The following LINGO2 variants were observed in gnomAD, a reference collection of about 807,000 sequenced individuals.
The protein encoded by LINGO2 is leucine rich repeat and Ig domain containing 2.
Under a neutral mutation model 30.6 loss-of-function variants are expected in LINGO2, and 14 were observed. That is an observed-to-expected ratio of 0.46 (90% CI 0.30 to 0.72). The LOEUF (loss-of-function observed/expected upper bound fraction) is 0.72, where lower values mean the gene tolerates loss of function less well. Among genes scored for constraint, LINGO2 ranks in the 30% least tolerant of loss-of-function variants. The probability of loss-of-function intolerance (pLI) is 0.07; values close to 1 mark genes in which losing one functional copy is unlikely to be tolerated. For missense variants in LINGO2, 729 were observed against 751.7 expected (o/e 0.97, Z 0.35); for synonymous variants, 317 against 288.5 (o/e 1.10, Z -1.00).
intron 4 of LINGO2, among the ~76,000 whole-genome samples, chr9:28,266,076 A>G (rs903962579): frequency 1.3e-5 from 2 of 152,024 alleles, no homozygotes; most frequent in Non-Finnish European, 2.9e-5. Context: ...ATCTAAAAAC[A>G]TTTAAACTAA....
chr9:28,825,181 G>A, the LINGO2 span, among the ~76,000 whole-genome samples: 1 of 151,846 alleles, frequency 6.6e-6, no homozygotes, highest in Non-Finnish European at 1.5e-5. Context: ...TTCTTTTCTC[G>A]CCAATGCCTC....
intron 1 of LINGO2, among the ~76,000 whole-genome samples, chr9:28,572,072 C>T (rs781556836): frequency 1.3e-5 from 2 of 152,040 alleles, no homozygotes; most frequent in Non-Finnish European, 2.9e-5. Context: ...CGTGCTGTCA[C>T]CTGGATATAA....
intron 1 of LINGO2, among the ~76,000 whole-genome samples, chr9:28,628,163 G>A (rs1826770001): frequency 6.6e-6 from 1 of 152,050 alleles, no homozygotes. Flanking sequence ...TCAAAACCAT[G>A]CAGCAGATTT....
the LINGO2 span, among the ~76,000 whole-genome samples, chr9:29,092,770 T>C: frequency 1.7e-4 from 24 of 137,292 alleles, 4 homozygotes; most frequent in African/African-American, 6.0e-4. Flanking sequence ...GGATATTTAA[T>C]AGTGGCACAG....
At chr9:29,152,894 T>G in the LINGO2 span, among the ~76,000 whole-genome samples, 1 of 152,292 alleles carries the variant, frequency 6.6e-6, no homozygotes, top group Non-Finnish European at 1.5e-5. Flanking sequence ...AATTGTATTT[T>G]GAAATATTAT....
the LINGO2 span, among the ~76,000 whole-genome samples, chr9:28,999,091 CA>C: frequency 2.0e-5 from 3 of 152,152 alleles, no homozygotes; most frequent in African/African-American, 7.2e-5. Flanking sequence ...GTTTAGTGAT[CA>C]TTTATTCCTG....
chr9:28,102,829 A>C (rs1387315945), intron 4 of LINGO2, among the ~76,000 whole-genome samples: 4 of 152,164 alleles, frequency 2.6e-5, no homozygotes, highest in Non-Finnish European at 5.9e-5. Flanking sequence ...ATGTGGGAGA[A>C]ATTAAGTGGA....
At chr9:28,939,325 TC>T in the LINGO2 span, among the ~76,000 whole-genome samples, 1 of 152,178 alleles carries the variant, frequency 6.6e-6, no homozygotes, top group Non-Finnish European at 1.5e-5. Context: ...CTAACTGGCT[TC>T]CCCAGAACTC....
chr9:28,874,766 G>A, the LINGO2 span, among the ~76,000 whole-genome samples: 2 of 152,056 alleles, frequency 1.3e-5, no homozygotes, highest in Admixed American at 1.3e-4. Context: ...CTTTTATGGA[G>A]ACTTTATTAA....
At chr9:29,060,835 CA>C in the LINGO2 span, among the ~76,000 whole-genome samples, 1 of 151,464 alleles carries the variant, frequency 6.6e-6, no homozygotes. Context: ...TGTAATTACC[CA>C]ATCTGAAGAA....
intron 1 of LINGO2, among the ~76,000 whole-genome samples, chr9:28,594,010 G>T (rs995487595): frequency 9.9e-5 from 15 of 151,578 alleles, no homozygotes; most frequent in African/African-American, 3.6e-4. Flanking sequence ...TAAAAAAAAA[G>T]AATAGGTAAT....
At chr9:28,946,205 A>T in the LINGO2 span, among the ~76,000 whole-genome samples, 1 of 152,178 alleles carries the variant, frequency 6.6e-6, no homozygotes, top group African/African-American at 2.4e-5. Flanking sequence ...AAAGATGTTT[A>T]GTAACTTGAT....
At chr9:29,202,029 T>C in the LINGO2 span, among the ~76,000 whole-genome samples, 1 of 152,060 alleles carries the variant, frequency 6.6e-6, no homozygotes, top group Non-Finnish European at 1.5e-5. Flanking sequence ...GATTTAAAAC[T>C]GTCTAAATGT....
At chr9:28,172,042 A>AAAC (rs1564016962) in intron 4 of LINGO2, among the ~76,000 whole-genome samples, 3 of 143,814 alleles carry the variant, frequency 2.1e-5, no homozygotes, top group Non-Finnish European at 3.0e-5. Context: ...AACAAAAAAA[A>AAAC]AAACCCAGCA....
chr9:29,151,240 T>G, the LINGO2 span, among the ~76,000 whole-genome samples: 2 of 152,270 alleles, frequency 1.3e-5, no homozygotes, highest in East Asian at 1.9e-4. Context: ...TAGATTGGCC[T>G]TATAAAAGGT....
the LINGO2 span, among the ~76,000 whole-genome samples, chr9:29,036,700 A>G: frequency 3.3e-5 from 5 of 152,128 alleles, no homozygotes; most frequent in Admixed American, 3.3e-4. Flanking sequence ...ATCAGAAAAA[A>G]TATGCCTTTT....
At chr9:28,935,697 C>CT in the LINGO2 span, among the ~76,000 whole-genome samples, 16 of 67,530 alleles carry the variant, frequency 2.4e-4, no homozygotes, top group Non-Finnish European at 4.4e-4. Flanking sequence ...ATATAATGTT[C>CT]TTTTTTTAAA....
At chr9:28,530,592 C>A (rs1821194999) in intron 1 of LINGO2, among the ~76,000 whole-genome samples, 1 of 151,950 alleles carries the variant, frequency 6.6e-6, no homozygotes, top group Non-Finnish European at 1.5e-5. Context: ...AAGAATGAAA[C>A]CTATAGGGAT....
intron 2 of LINGO2, among the ~76,000 whole-genome samples, chr9:28,453,460 T>C (rs1330239070): frequency 1.3e-5 from 2 of 151,934 alleles, no homozygotes; most frequent in Non-Finnish European, 2.9e-5. Flanking sequence ...AAAATTTTAA[T>C]ACAGTCTTTC....
Sources: gnomAD v4.1 joint callset for allele counts (sites outside exome capture counted in the v4.1 genomes callset) on GRCh38, gnomAD v4.1.1 for gene constraint, MANE v1.5 for transcripts, NCBI Gene and HGNC (gene_info 2026-07-23, HGNC 2026-07-21) for gene names.